LUZP2: variants seen among roughly 807,000 people sequenced by gnomAD.
LUZP2 encodes leucine zipper protein 2.
LUZP2 carries 52 observed loss-of-function variants against 51.6 expected under a neutral mutation model. The ratio of observed to expected loss-of-function variants is 1.01; its 90% CI spans 0.81 to 1.27. LUZP2 has a LOEUF of 1.27. LUZP2 is among the 50% of genes most tolerant of loss of function. LUZP2 has a pLI of 0.00. For missense variants in LUZP2, 436 were observed against 395.4 expected, an observed-to-expected ratio of 1.10 and a Z score of -0.87; for synonymous variants, 154 against 137.3, an observed-to-expected ratio of 1.12 and a Z score of -0.85.
chr11:25,050,049 T>A lies in LUZP2; in HGVS notation c.777T>A (p.Ser259Arg). ...DAAAKSKPQQ[S>R]ASGNNESSQV... ...TCGTCTCTTTTAAGCCTCAACAAAG[T>A]GCTTCTGGAAACAATGAGAGCTCTC... The change falls in exon 10 of 12, where the codon AGT becomes AGA. Residue 259 changes from serine to arginine, a missense_variant. By Grantham distance (110) the Ser-to-Arg change is moderately radical (BLOSUM62 -1). Coordinates refer to ENST00000336930, the MANE Select transcript of LUZP2 (RefSeq NM_001009909.4). 1 of 1,591,926 alleles carries A rather than the reference T, an allele frequency of 6.3e-7. No homozygotes were observed. Among genetic ancestry groups the A allele is most frequent in the Non-Finnish European group, 8.6e-7 (1 of 1,169,056 alleles).
chr11:24,959,340 T>C (rs1331111510), intron 7 of LUZP2, among the ~76,000 whole-genome samples: 1 of 152,178 alleles, frequency 6.6e-6, no homozygotes, highest in Non-Finnish European at 1.5e-5. Context: ...ATAAATTACC[T>C]TGGGCAGTAT....
At chr11:24,923,652 G>C (rs560907395) in intron 7 of LUZP2, among the ~76,000 whole-genome samples, 1 of 151,972 alleles carries the variant, frequency 6.6e-6, no homozygotes, top group Admixed American at 6.6e-5. Flanking sequence ...AGCCAAGATC[G>C]CGCCACTGCA....
At chr11:24,563,401 G>A (rs772957651) in intron 1 of LUZP2, among the ~76,000 whole-genome samples, 4 of 151,980 alleles carry the variant, frequency 2.6e-5, no homozygotes, top group Non-Finnish European at 5.9e-5. Flanking sequence ...TATTTGCAAG[G>A]GTTTTTAAAT....
chr11:24,720,667 T>C (rs1858230612), intron 1 of LUZP2, among the ~76,000 whole-genome samples: 1 of 150,282 alleles, frequency 6.7e-6, no homozygotes, highest in South Asian at 2.1e-4. Flanking sequence ...CTTCAGAGTA[T>C]GGATCAAATT....
intron 7 of LUZP2, among the ~76,000 whole-genome samples, chr11:24,967,426 A>G (rs574221963): frequency 1.3e-5 from 2 of 152,116 alleles, no homozygotes; most frequent in East Asian, 3.9e-4. Flanking sequence ...TGTTTTTAAC[A>G]TTCTTCATTA....
chr11:24,811,553 A>C (rs1470207358), intron 5 of LUZP2, among the ~76,000 whole-genome samples: 5 of 151,932 alleles, frequency 3.3e-5, no homozygotes, highest in African/African-American at 4.8e-5. Flanking sequence ...TTACATAGAT[A>C]AATTATGTGT....
intron 5 of LUZP2, among the ~76,000 whole-genome samples, chr11:24,813,733 T>C (rs1354321724): frequency 6.6e-6 from 1 of 152,234 alleles, no homozygotes; most frequent in Non-Finnish European, 1.5e-5. Flanking sequence ...TATCAGAGCC[T>C]TTGCTCCAGA....
chr11:24,750,829 A>T (rs967564349), intron 4 of LUZP2, among the ~76,000 whole-genome samples: 1 of 152,188 alleles, frequency 6.6e-6, no homozygotes. Context: ...TATACTGTCA[A>T]CCAAGAAAAA....
At chr11:24,639,652 C>T (rs533314444) in intron 1 of LUZP2, among the ~76,000 whole-genome samples, 3 of 151,620 alleles carry the variant, frequency 2.0e-5, no homozygotes, top group Admixed American at 1.3e-4. Context: ...GGTTTCACCA[C>T]GTTGGTCAGG....
At chr11:24,956,660 A>G (rs1855221567) in intron 7 of LUZP2, among the ~76,000 whole-genome samples, 1 of 152,250 alleles carries the variant, frequency 6.6e-6, no homozygotes, top group Middle Eastern at 3.4e-3. Flanking sequence ...AACAGGAAAT[A>G]AAGATTTTGG....
intron 10 of LUZP2, among the ~76,000 whole-genome samples, chr11:25,071,317 G>A (rs1859152069): frequency 1.3e-5 from 2 of 151,816 alleles, no homozygotes; most frequent in South Asian, 4.2e-4. Flanking sequence ...AACGGGTGCA[G>A]CACACCAACA....
intron 1 of LUZP2, among the ~76,000 whole-genome samples, chr11:24,720,065 T>C (rs1244446360): frequency 6.6e-6 from 1 of 152,226 alleles, no homozygotes; most frequent in Non-Finnish European, 1.5e-5. Flanking sequence ...AAATATTATG[T>C]AATTTATTGG....
At chr11:24,547,167 T>C (rs1376707629) in intron 1 of LUZP2, among the ~76,000 whole-genome samples, 1 of 150,038 alleles carries the variant, frequency 6.7e-6, no homozygotes, top group Non-Finnish European at 1.5e-5. Flanking sequence ...TGATGGTTAT[T>C]TATATTTCTG....
At chr11:24,944,565 G>A (rs919004174) in intron 7 of LUZP2, among the ~76,000 whole-genome samples, 3 of 152,136 alleles carry the variant, frequency 2.0e-5, no homozygotes, top group African/African-American at 7.2e-5. Flanking sequence ...ACTTTTAGAG[G>A]TGTTTGGGGA....
At chr11:24,712,257 T>TA (rs888668704) in intron 1 of LUZP2, among the ~76,000 whole-genome samples, 1 of 151,860 alleles carries the variant, frequency 6.6e-6, no homozygotes, top group African/African-American at 2.4e-5. Context: ...CCCATCTCTG[T>TA]AAAAAATTAG....
At chr11:24,946,807 AT>A (rs1854913540) in intron 7 of LUZP2, among the ~76,000 whole-genome samples, 1 of 151,856 alleles carries the variant, frequency 6.6e-6, no homozygotes, top group African/African-American at 2.4e-5. Context: ...AATTATTGTC[AT>A]TTTGTTACTC....
chr11:24,924,363 C>T (rs1056308903), intron 7 of LUZP2, among the ~76,000 whole-genome samples: 5 of 152,166 alleles, frequency 3.3e-5, no homozygotes, highest in Admixed American at 1.3e-4. Flanking sequence ...CAGGCGTGAG[C>T]CACCGCACCC....
At chr11:24,585,911 A>G (rs996825841) in intron 1 of LUZP2, among the ~76,000 whole-genome samples, 2 of 152,180 alleles carry the variant, frequency 1.3e-5, no homozygotes, top group African/African-American at 4.8e-5. Context: ...GCCAATTTAT[A>G]ATTAGTCTTG....
rs137908769 is a variant in LUZP2, at chr11:24,611,264, C to T, written c.62+113959C>T. On this transcript the variant is annotated intron_variant, in intron 1 of 11. Coordinates refer to ENST00000336930, the MANE Select transcript of LUZP2 (RefSeq NM_001009909.4). The surrounding 1 kb of genome is among the most constrained non-coding windows in gnomAD (Gnocchi z 4.6). ...GGTGCCTATATTTGCCCTCAAGCAA[C>T]TCAAAGCTTAAGGGAGCAAAATAAT... 7.7e-3 allele frequency among the ~76,000 whole-genome samples: 1,170 copies of T among 152,106 alleles called. 15 individuals are homozygous for T. The highest frequency in any genetic ancestry group is 0.026 in the African/African-American group (1,092 of 41,498).
Sources: gnomAD v4.1 joint callset for allele counts (sites outside exome capture counted in the v4.1 genomes callset) on GRCh38, gnomAD v4.1.1 for gene constraint, Gnocchi (gnomAD v3.1) non-coding constraint, MANE v1.5 for transcripts, NCBI Gene and HGNC (gene_info 2026-07-23, HGNC 2026-07-21) for gene names.